Variants in AAMDC observed in about 807,000 individuals in gnomAD.
The protein encoded by AAMDC is mth938 domain-containing protein.
AAMDC carries 16 observed loss-of-function variants against 15.5 expected under a neutral mutation model. The ratio of observed to expected loss-of-function variants is 1.03; its 90% CI spans 0.70 to 1.57. The LOEUF (loss-of-function observed/expected upper bound fraction) is 1.57, where lower values mean the gene tolerates loss of function less well. Ranked by LOEUF, AAMDC falls within the 40% of genes most tolerant of loss-of-function variation. The probability of loss-of-function intolerance (pLI) is 0.00; values close to 1 mark genes in which losing one functional copy is unlikely to be tolerated. For missense variants in AAMDC, 141 were observed against 144.9 expected (o/e 0.97, Z 0.14); for synonymous variants, 51 against 51.6 (o/e 0.99, Z 0.05).
At chr11:77,873,951 G>A (rs942846487), downstream of AAMDC, among the ~76,000 whole-genome samples, 18 of 152,180 alleles carry the variant, frequency 1.2e-4, no homozygotes, top group Non-Finnish European at 7.4e-5. Flanking sequence ...ACATGATCCT[G>A]CCACCTGACT....
At chr11:77,851,938 A>G (rs1233114903) in intron 2 of AAMDC, among the ~76,000 whole-genome samples, 3 of 152,210 alleles carry the variant, frequency 2.0e-5, no homozygotes, top group African/African-American at 4.8e-5. Flanking sequence ...CCAACAAATT[A>G]TAAAAGAAAT....
At chr11:77,874,520 T>C (rs1951545920), downstream of AAMDC, among the ~76,000 whole-genome samples, 3 of 152,250 alleles carry the variant, frequency 2.0e-5, no homozygotes, top group South Asian at 6.2e-4. Context: ...TATCTGTCAG[T>C]GACATTATTA....
chr11:77,885,868 C>T (rs1299844149), intron 5 of AAMDC, among the ~76,000 whole-genome samples: 2 of 151,762 alleles, frequency 1.3e-5, no homozygotes, highest in African/African-American at 4.8e-5. Flanking sequence ...GGGGCTGAAA[C>T]AGCAATGATC....
chr11:77,883,534 G>C (rs1295479038), intron 5 of AAMDC, among the ~76,000 whole-genome samples: 1 of 152,152 alleles, frequency 6.6e-6, no homozygotes, highest in African/African-American at 2.4e-5. Flanking sequence ...GTTAGGATAA[G>C]AATAATCTCC....
chr11:77,828,696 T>C (rs1294676051), intron 1 of AAMDC, among the ~76,000 whole-genome samples: 12 of 141,378 alleles, frequency 8.5e-5, no homozygotes, highest in Non-Finnish European at 1.9e-4. Flanking sequence ...AGAAAGAAAA[T>C]TATAAAACAT....
chr11:77,833,028 T>TTTTTG, intron 1 of AAMDC, among the ~76,000 whole-genome samples: 1 of 141,414 alleles, frequency 7.1e-6, no homozygotes, highest in Non-Finnish European at 1.5e-5. Context: ...TTTTTTTTTT[T>TTTTTG]TGAGACAGGG....
chr11:77,884,921 T>C (rs1951937987), intron 5 of AAMDC: 1 of 232,714 alleles, frequency 4.3e-6, no homozygotes, highest in Non-Finnish European at 9.2e-6. Context: ...CGCCAGGTAA[T>C]TTTCTTTTTA....
intron 2 of AAMDC, among the ~76,000 whole-genome samples, chr11:77,863,257 T>C (rs370491410): frequency 6.6e-6 from 1 of 152,038 alleles, no homozygotes; most frequent in Non-Finnish European, 1.5e-5. Context: ...TTTAGCCCAA[T>C]CGGGAGCGGC....
At chr11:77,858,959 A>G (rs1396314427) in intron 2 of AAMDC, among the ~76,000 whole-genome samples, 1 of 152,210 alleles carries the variant, frequency 6.6e-6, no homozygotes, top group Non-Finnish European at 1.5e-5. Flanking sequence ...TTTCTTTGGC[A>G]CACTTTACAG....
rs545516203 is a variant in AAMDC at position 77,880,642 on chromosome 11, T to C, written c.328+3593T>C. ...TGGCAGACCACAACCACAGCCCCAG[T>C]TGGCATAGCACTTTCAAGAAGCCAA... is the stretch of plus-strand genomic sequence containing the variant. On this transcript the variant is annotated intron_variant, in intron 5 of 5. Coordinates refer to the AAMDC transcript ENST00000304716. 3.3e-5 allele frequency among the ~76,000 whole-genome samples: 5 copies of C among 152,294 alleles called. No individual in the cohort carries two copies. In the East Asian group the frequency reaches 9.7e-4, roughly 29 times the overall value.
At chr11:77,891,417 C>T in intron 5 of AAMDC, 1 of 1,613,590 alleles carries the variant, frequency 6.2e-7, no homozygotes, top group Non-Finnish European at 8.5e-7. Context: ...AAAGGGTTGT[C>T]TGACTCGCCC....
downstream of AAMDC, among the ~76,000 whole-genome samples, chr11:77,873,082 G>A (rs1196276650): frequency 6.6e-6 from 1 of 152,182 alleles, no homozygotes; most frequent in Non-Finnish European, 1.5e-5. Context: ...TAGACTGAGA[G>A]AACTACAAGC....
At chr11:77,842,112 G>T (rs1357933817) in intron 1 of AAMDC, among the ~76,000 whole-genome samples, 1 of 152,120 alleles carries the variant, frequency 6.6e-6, no homozygotes, top group Non-Finnish European at 1.5e-5. Flanking sequence ...TTTATTTCTA[G>T]AGTGACAAAT....
At chr11:77,855,967 A>G (rs947834932) in intron 2 of AAMDC, among the ~76,000 whole-genome samples, 2 of 152,000 alleles carry the variant, frequency 1.3e-5, no homozygotes, top group Admixed American at 6.6e-5. Context: ...AAAACACACA[A>G]ATTTCACTGT....
At chr11:77,838,152 G>A (rs1016695045) in intron 1 of AAMDC, among the ~76,000 whole-genome samples, 2 of 152,118 alleles carry the variant, frequency 1.3e-5, no homozygotes, top group Non-Finnish European at 2.9e-5. Context: ...CTTTCTAATC[G>A]TCTTTAGTTG....
chr11:77,860,693 AG>A (rs551379328), intron 2 of AAMDC, among the ~76,000 whole-genome samples: 138 of 152,194 alleles, frequency 9.1e-4, no homozygotes, highest in Non-Finnish European at 1.7e-3. Context: ...AAAACAGTCC[AG>A]GTGAATTGAG....
At chr11:77,843,434 C>T (rs1950016977) in intron 2 of AAMDC, among the ~76,000 whole-genome samples, 1 of 152,142 alleles carries the variant, frequency 6.6e-6, no homozygotes, top group African/African-American at 2.4e-5. Flanking sequence ...AAGTCCTGCT[C>T]CTCCTGGGAA....
chr11:77,836,609 A>C (rs1298635415), intron 1 of AAMDC, among the ~76,000 whole-genome samples: 2 of 152,206 alleles, frequency 1.3e-5, no homozygotes, highest in East Asian at 1.9e-4. Context: ...AGAAATCCTC[A>C]AAACATACTC....
At chr11:77,840,119 CAA>C (rs1055917358) in intron 1 of AAMDC, among the ~76,000 whole-genome samples, 1 of 142,082 alleles carries the variant, frequency 7.0e-6, no homozygotes, top group Non-Finnish European at 1.5e-5. Context: ...CACACACACA[CAA>C]CACCCAGGGA....
Sources: allele counts gnomAD v4.1 joint callset (sites outside exome capture counted in the v4.1 genomes callset), GRCh38; gene constraint gnomAD v4.1.1; transcripts MANE v1.5; gene names NCBI Gene and HGNC (gene_info 2026-07-23, HGNC 2026-07-21).